The following CPED1 variants were observed in gnomAD, a reference collection of about 807,000 sequenced individuals.
CPED1 encodes the protein cadherin like and PC-esterase domain containing 1, also known as cadherin-like and PC-esterase domain-containing protein 1.
In CPED1, 114 loss-of-function variants were observed where a neutral mutation model predicts 128.2. That is an observed-to-expected ratio of 0.89 (90% CI 0.76 to 1.04). The LOEUF (loss-of-function observed/expected upper bound fraction) is 1.04, where lower values mean the gene tolerates loss of function less well. CPED1 is among the 50% of genes least tolerant of loss of function. The pLI, the probability that CPED1 is intolerant of heterozygous loss-of-function variation, is 0.00. For missense variants in CPED1, 1,211 were observed against 1,207.1 expected, an observed-to-expected ratio of 1.00 and a Z score of -0.05; for synonymous variants, 462 against 426.7, an observed-to-expected ratio of 1.08 and a Z score of -1.02.
chr7:121,120,148 A>G (rs1332337173), intron 7 of CPED1, among the ~76,000 whole-genome samples: 1 of 152,236 alleles, frequency 6.6e-6, no homozygotes, highest in African/African-American at 2.4e-5. Context: ...GCTTTCAGTT[A>G]TGCTGACTGT....
At chr7:121,133,947 C>A in intron 13 of CPED1, 54 bp downstream of exon 13, 3 of 976,900 alleles carry the variant, frequency 3.1e-6, no homozygotes, top group Non-Finnish European at 3.1e-6. Context: ...TATTTCCTGG[C>A]AAAAAAATGC....
In CPED1 at chr7:121,280,147, A is replaced by G. The variant is rs144288509; in HGVS notation, c.2868+8717A>G. On this transcript the variant is annotated intron_variant, in intron 22 of 22. Transcript: ENST00000310396. ...ACAAATACCTGTGTGTTAACGTCCAATAGATTCCAAGACCCAAGATGCACA... is the reference window on the plus strand; with the variant it reads ...ACAAATACCTGTGTGTTAACGTCCAGTAGATTCCAAGACCCAAGATGCACA... Among the ~76,000 whole-genome samples, 5 of 152,302 alleles carry G rather than the reference A, an allele frequency of 3.3e-5. No individual in the cohort carries two copies. In the East Asian group the frequency reaches 5.8e-4, roughly 18 times the overall value.
intron 16 of CPED1, among the ~76,000 whole-genome samples, chr7:121,216,433 G>A (rs955668107): frequency 1.1e-4 from 17 of 152,038 alleles, no homozygotes; most frequent in Admixed American, 2.0e-4. Flanking sequence ...ATCAGCAAGA[G>A]AGGTATGGAA....
intron 18 of CPED1, among the ~76,000 whole-genome samples, chr7:121,244,641 G>T (rs111245245): frequency 6.6e-6 from 1 of 152,156 alleles, no homozygotes. Context: ...AGCTTGCCAC[G>T]TCAACTGACA....
chr7:121,225,852 A>G (rs1460965182), intron 16 of CPED1, among the ~76,000 whole-genome samples: 1 of 151,870 alleles, frequency 6.6e-6, no homozygotes, highest in African/African-American at 2.4e-5. Flanking sequence ...TCTTCTCTAC[A>G]CTGTTTATTC....
At chr7:121,173,074 G>A (rs1176474222) in intron 16 of CPED1, among the ~76,000 whole-genome samples, 1 of 152,116 alleles carries the variant, frequency 6.6e-6, no homozygotes, top group Non-Finnish European at 1.5e-5. Context: ...CTGACAGGGG[G>A]TTGGTATCTT....
In CPED1 at chr7:121,097,714, T is replaced by C. The variant is rs1382927825; in HGVS notation, c.632T>C (p.Val211Ala). The stretch of plus-strand genomic sequence containing the variant: ...ATCTTTTCAGAACTGCAACTTCCAG[T>C]GAGTCCCTCTGTGTGTCTGGATCAG... The part of the protein sequence containing the change: ...VRRFPELQLP[V>A]SPSVCLDQGM... Residue 211 changes from valine (V) to alanine (A), a missense_variant, in exon 6 of 23, where the codon GTG becomes GCG. Transcript: ENST00000310396. The C allele has an allele frequency of 1.9e-6, 3 of 1,613,656 alleles. No individual in the cohort carries two copies. Among genetic ancestry groups the C allele is most frequent in the African/African-American group, 1.3e-5 (1 of 75,028 alleles).
chr7:121,241,561 T>TAAGA (rs1335914807), intron 17 of CPED1, among the ~76,000 whole-genome samples: 2 of 152,022 alleles, frequency 1.3e-5, no homozygotes, highest in Non-Finnish European at 2.9e-5. Context: ...ACCCTCGTTT[T>TAAGA]CTCCAAGATA....
At chr7:120,997,945 AATAAAATAAAAT>A (rs2116750057) in intron 2 of CPED1, among the ~76,000 whole-genome samples, 1 of 141,832 alleles carries the variant, frequency 7.1e-6, no homozygotes, top group African/African-American at 2.9e-5. Flanking sequence ...AATAAAATAA[AATAAAATAAAAT>A]AAAATAAAAT....
At chr7:121,003,694 T>A (rs1791926468) in intron 2 of CPED1, among the ~76,000 whole-genome samples, 1 of 152,034 alleles carries the variant, frequency 6.6e-6, no homozygotes, top group Non-Finnish European at 1.5e-5. Context: ...CAGGAACAGG[T>A]AGACAGGGTA....
At chr7:121,100,242 C>A in intron 7 of CPED1, 148 bp downstream of exon 7, 1 of 704,936 alleles carries the variant, frequency 1.4e-6, no homozygotes, top group Non-Finnish European at 2.3e-6. Flanking sequence ...AAGATTTTCA[C>A]TTAATAGGTG....
chr7:121,124,757 A>G (rs966439838), intron 8 of CPED1, among the ~76,000 whole-genome samples: 1 of 152,200 alleles, frequency 6.6e-6, no homozygotes, highest in African/African-American at 2.4e-5. Flanking sequence ...TTCAAGTGCA[A>G]CTGTTTCTAT....
chr7:121,031,890 A>G (rs1792743527), intron 3 of CPED1, among the ~76,000 whole-genome samples: 1 of 152,226 alleles, frequency 6.6e-6, no homozygotes, highest in Non-Finnish European at 1.5e-5. Context: ...AATGAAGAAT[A>G]GATGCTGAAC....
chr7:121,039,074 T>C (rs745767558), intron 3 of CPED1, among the ~76,000 whole-genome samples: 2 of 152,084 alleles, frequency 1.3e-5, no homozygotes, highest in African/African-American at 4.8e-5. Context: ...CACGCTAAAG[T>C]AGTAAGAACT....
At chr7:121,120,002 T>C (rs1170217047) in intron 7 of CPED1, among the ~76,000 whole-genome samples, 2 of 152,224 alleles carry the variant, frequency 1.3e-5, no homozygotes, top group Non-Finnish European at 2.9e-5. Flanking sequence ...CCTTCCTTTT[T>C]AAGGCTGAAT....
chr7:121,124,019 A>T (rs1353435733), intron 7 of CPED1, among the ~76,000 whole-genome samples: 1 of 152,186 alleles, frequency 6.6e-6, no homozygotes. Context: ...CAGCTCACCT[A>T]GTTAGTAGAG....
At chr7:121,006,725 A>G (rs1408151860) in intron 2 of CPED1, among the ~76,000 whole-genome samples, 3 of 152,146 alleles carry the variant, frequency 2.0e-5, no homozygotes, top group Non-Finnish European at 4.4e-5. Flanking sequence ...CAAGACCACC[A>G]TCTCTCAGCT....
intron 16 of CPED1, among the ~76,000 whole-genome samples, chr7:121,196,498 G>T (rs1402872506): frequency 2.6e-5 from 4 of 152,120 alleles, no homozygotes; most frequent in Non-Finnish European, 5.9e-5. Context: ...CTTAGTTAGA[G>T]ACCATTATAG....
At chr7:121,198,224 C>T (rs1242639903) in intron 16 of CPED1, among the ~76,000 whole-genome samples, 2 of 152,028 alleles carry the variant, frequency 1.3e-5, no homozygotes, top group Non-Finnish European at 2.9e-5. Flanking sequence ...ACTAGACAAT[C>T]TCAAAAAATG....
Sources: allele counts gnomAD v4.1 joint callset (sites outside exome capture counted in the v4.1 genomes callset), GRCh38; gene constraint gnomAD v4.1.1; transcripts MANE v1.5; gene names NCBI Gene and HGNC (gene_info 2026-07-23, HGNC 2026-07-21).